LRIG1: variants seen among roughly 807,000 people sequenced by gnomAD.
The protein encoded by LRIG1 is leucine-rich repeats and immunoglobulin-like domains protein 1.
In LRIG1, 48 loss-of-function variants were observed where a neutral mutation model predicts 99.2. The observed-to-expected ratio is 0.48, with a 90% CI of 0.38 to 0.62. LRIG1 has a LOEUF of 0.62. Ranked by LOEUF, LRIG1 falls within the 20% of genes least tolerant of loss-of-function variation. The pLI is 0.00. For synonymous variants in LRIG1, 772 were observed against 596.1 expected, an observed-to-expected ratio of 1.29 and a Z score of -4.30; for missense variants, 1,646 against 1,434.4, an observed-to-expected ratio of 1.15 and a Z score of -2.38.
chr3:66,451,578 G>A lies in LRIG1; in HGVS notation c.346C>T (p.His116Tyr), dbSNP rs765425177. 6.2e-7 allele frequency: 1 copy of A among 1,614,102 alleles called. No individual in the cohort carries two copies. Among genetic ancestry groups the A allele is most frequent in the South Asian group, 1.1e-5 (1 of 91,080 alleles). The change falls in exon 3 of 19, where the codon CAT (histidine) becomes TAT (tyrosine). Residue 116 changes from histidine (H) to tyrosine (Y), a missense_variant. Transcript: ENST00000273261. ...AVPSLGAASSHVVSLFLQHNK... is the reference protein window; with the variant it reads ...AVPSLGAASSYVVSLFLQHNK... The stretch of plus-strand genomic sequence containing the variant: ...ACTTACAGAAAGAGAGAGACGACAT[G>A]TGATGAAGCAGCGCCCAGGGATGGT...
intron 1 of LRIG1, among the ~76,000 whole-genome samples, chr3:66,467,996 G>A (rs1438113292): frequency 6.6e-6 from 1 of 152,132 alleles, no homozygotes; most frequent in African/African-American, 2.4e-5. Context: ...CTCAACAAGG[G>A]AAAGAGCCTT....
At chr3:66,386,386 A>G in intron 12 of LRIG1, 85 bp from the exon 13 acceptor site, 1 of 1,156,502 alleles carries the variant, frequency 8.6e-7, no homozygotes, top group Non-Finnish European at 1.3e-6. Flanking sequence ...AGAAACTGAC[A>G]CAGACACCAA....
intron 1 of LRIG1, among the ~76,000 whole-genome samples, chr3:66,488,524 C>T (rs1047406267): frequency 6.6e-6 from 1 of 151,658 alleles, no homozygotes; most frequent in Admixed American, 6.6e-5. Flanking sequence ...GTAATCCCAG[C>T]TCTTTGGGAG....
intron 3 of LRIG1, among the ~76,000 whole-genome samples, chr3:66,441,719 C>T (rs1432608097): frequency 1.3e-5 from 2 of 152,186 alleles, no homozygotes; most frequent in Non-Finnish European, 2.9e-5. Context: ...GCTTCCCACA[C>T]CTAGTACAGT....
intron 1 of LRIG1, among the ~76,000 whole-genome samples, chr3:66,496,824 G>T (rs757332665): frequency 3.9e-5 from 6 of 152,318 alleles, no homozygotes; most frequent in Admixed American, 2.0e-4. Flanking sequence ...AGGATGGAAA[G>T]TATTTTCCAA....
chr3:66,489,631 T>C (rs1701056807), intron 1 of LRIG1, among the ~76,000 whole-genome samples: 1 of 152,112 alleles, frequency 6.6e-6, no homozygotes, highest in African/African-American at 2.4e-5. Flanking sequence ...TCCAATGAAA[T>C]ATAAGTTTAC....
At chr3:66,405,355 T>G in intron 8 of LRIG1, 77 bp from the exon 9 acceptor site, 1 of 1,219,018 alleles carries the variant, frequency 8.2e-7, no homozygotes, top group East Asian at 2.4e-5. Flanking sequence ...AGCCTGCTGC[T>G]CGGAAGCTGA....
Position 66,383,232 on chromosome 3 carries a change from G to C in LRIG1, c.2241C>G (p.Leu747=). Residue 747 remains leucine (L), a synonymous_variant, in exon 15 of 19, where the codon CTC becomes CTG. Coordinates refer to ENST00000273261, the MANE Select transcript of LRIG1 (RefSeq NM_015541.3). ...ERHHLTPDNQ[L]LVVQNVVAED... ...CTGCCACCACGTTCTGAACCACCAGGAGCTGGTTGTCAGGGGTCAAGTGGT... is the reference window on the plus strand; with the variant it reads ...CTGCCACCACGTTCTGAACCACCAGCAGCTGGTTGTCAGGGGTCAAGTGGT... The C allele has an allele frequency of 1.2e-6, 2 of 1,614,218 alleles. No individual in the cohort carries two copies. The highest frequency in any genetic ancestry group is 1.7e-6 in the Non-Finnish European group (2 of 1,180,034).
intron 1 of LRIG1, among the ~76,000 whole-genome samples, chr3:66,488,189 A>G (rs934080741): frequency 2.6e-5 from 4 of 152,144 alleles, no homozygotes; most frequent in Non-Finnish European, 4.4e-5. Flanking sequence ...CTCCATGAAA[A>G]GTATTTTAAG....
At chr3:66,405,914 A>T in intron 8 of LRIG1, 3 of 1,008,914 alleles carry the variant, frequency 3.0e-6, no homozygotes, top group Non-Finnish European at 3.6e-6. Context: ...AACAATGCAA[A>T]TCCCATGGCC....
intron 9 of LRIG1, among the ~76,000 whole-genome samples, chr3:66,403,841 C>T (rs918716937): frequency 5.9e-5 from 9 of 152,180 alleles, no homozygotes; most frequent in South Asian, 4.1e-4. Context: ...CGGTTATGGC[C>T]GAGGTCAGGG....
At chr3:66,406,166 G>A (rs1208835631) in intron 8 of LRIG1, 16 of 985,402 alleles carry the variant, frequency 1.6e-5, no homozygotes, top group Non-Finnish European at 1.9e-5. Context: ...ACTGAAGAGT[G>A]AAATGCTGGC....
In LRIG1 at chr3:66,412,761, A is replaced by G. The variant is rs532014200; in HGVS notation, c.791+110T>C. ...TGGTGTGGGCGCACACACCCAACACACAGCAACGTTGGTGTTGGTGCGCAC... is the reference window on the plus strand; with the variant it reads ...TGGTGTGGGCGCACACACCCAACACGCAGCAACGTTGGTGTTGGTGCGCAC... On this transcript the variant is annotated intron_variant, in intron 6 of 18. Transcript: ENST00000273261. 7 of 1,294,968 alleles carry G rather than the reference A, an allele frequency of 5.4e-6. No homozygotes were observed. In the African/African-American group the frequency reaches 8.7e-5, roughly 16 times the overall value. 80.2% of individuals were successfully genotyped at this position (1,294,968 alleles called of 1,614,324 possible).
chr3:66,442,504 A>G (rs893167844), intron 3 of LRIG1, among the ~76,000 whole-genome samples: 2 of 151,996 alleles, frequency 1.3e-5, no homozygotes, highest in African/African-American at 4.8e-5. Flanking sequence ...GAGACTGTTG[A>G]TATGGGCTGG....
intron 3 of LRIG1, among the ~76,000 whole-genome samples, chr3:66,448,315 G>A (rs948844397): frequency 2.0e-5 from 3 of 152,130 alleles, no homozygotes; most frequent in Non-Finnish European, 4.4e-5. Context: ...TCTGGAAGTC[G>A]GCTCAATTCT....
At chr3:66,470,787 A>G (rs984656784) in intron 1 of LRIG1, among the ~76,000 whole-genome samples, 1 of 152,206 alleles carries the variant, frequency 6.6e-6, no homozygotes, top group African/African-American at 2.4e-5. Flanking sequence ...TGCTTTCTAT[A>G]CTACCCCTTA....
rs1700984176 is a variant in LRIG1, at chr3:66,380,581, C to G, written c.3051G>C (p.Gly1017=). The change falls in exon 18 of 19, where the codon GGG becomes GGC. Residue 1017 remains glycine, a synonymous_variant. Transcript: ENST00000273261. The part of the protein sequence containing the change: ...VKKKPMASLD[G]KGDSSWTLAR... ...TAGAAGACAGTCAAAAGTTACCTTTCCCATCTAGAGATGCCATTGGCTTTT... is the reference window on the plus strand; with the variant it reads ...TAGAAGACAGTCAAAAGTTACCTTTGCCATCTAGAGATGCCATTGGCTTTT... 1.2e-6 allele frequency: 2 copies of G among 1,613,452 alleles called. No homozygotes were observed. The highest frequency in any genetic ancestry group is 2.2e-5 in the South Asian group (2 of 91,080).
intron 9 of LRIG1, 73 bp downstream of exon 9, chr3:66,405,125 C>T: frequency 1.3e-5 from 17 of 1,349,458 alleles, no homozygotes; most frequent in South Asian, 3.6e-5. Context: ...GCGCGGGGGG[C>T]GCCACAGAAA....
At chr3:66,409,597 A>G (rs559740565) in intron 7 of LRIG1, among the ~76,000 whole-genome samples, 1 of 152,358 alleles carries the variant, frequency 6.6e-6, no homozygotes, top group South Asian at 2.1e-4. Flanking sequence ...CAAAACAGAG[A>G]AAGGGAAGGG....
Sources: allele counts gnomAD v4.1 joint callset (sites outside exome capture counted in the v4.1 genomes callset), GRCh38; gene constraint gnomAD v4.1.1; transcripts MANE v1.5; gene names NCBI Gene and HGNC (gene_info 2026-07-23, HGNC 2026-07-21).